Variants in CAPZA2 observed in about 807,000 individuals in gnomAD.
CAPZA2 encodes capping actin protein of muscle Z-line subunit alpha 2, also known as F-actin-capping protein subunit alpha-2.
Under a neutral mutation model 44.0 loss-of-function variants are expected in CAPZA2, and 13 were observed. The observed-to-expected ratio is 0.30, with a 90% CI of 0.19 to 0.47. The LOEUF is 0.47. CAPZA2 is among the 20% of genes least tolerant of loss of function. The pLI, the probability that CAPZA2 is intolerant of heterozygous loss-of-function variation, is 1.00. For missense variants in CAPZA2, 244 were observed against 338.6 expected (o/e 0.72, Z 2.19); for synonymous variants, 94 against 108.2 (o/e 0.87, Z 0.81).
chr7:116,864,364 ACT>A (rs937770379), intron 1 of CAPZA2, among the ~76,000 whole-genome samples: 54 of 152,128 alleles, frequency 3.5e-4, no homozygotes, highest in African/African-American at 1.3e-3. Flanking sequence ...ATTATCTGGC[ACT>A]CTCAGGGCAC....
intron 4 of CAPZA2, among the ~76,000 whole-genome samples, chr7:116,899,086 C>T (rs1311587578): frequency 8.6e-5 from 13 of 151,904 alleles, no homozygotes; most frequent in Non-Finnish European, 1.5e-5. Flanking sequence ...AATCTACTTT[C>T]TTATTTTTTT....
chr7:116,903,123 AC>A (rs1797016965), intron 4 of CAPZA2, among the ~76,000 whole-genome samples: 1 of 152,230 alleles, frequency 6.6e-6, no homozygotes, highest in African/African-American at 2.4e-5. Flanking sequence ...TGTTATAATC[AC>A]GTCATGGGAC....
chr7:116,892,344 A>G (rs1255349120), intron 2 of CAPZA2, among the ~76,000 whole-genome samples: 2 of 152,232 alleles, frequency 1.3e-5, no homozygotes, highest in African/African-American at 4.8e-5. Flanking sequence ...CAGTAAGACT[A>G]GAAAAGAATT....
intron 1 of CAPZA2, among the ~76,000 whole-genome samples, chr7:116,863,535 A>G (rs1056306847): frequency 6.6e-6 from 1 of 152,260 alleles, no homozygotes; most frequent in Admixed American, 6.5e-5. Context: ...CGAGTAATGG[A>G]ATAATTCATT....
intron 1 of CAPZA2, among the ~76,000 whole-genome samples, chr7:116,877,492 G>A (rs961438992): frequency 6.6e-6 from 1 of 152,208 alleles, no homozygotes; most frequent in Non-Finnish European, 1.5e-5. Context: ...GGATGAGAAA[G>A]AATGGATAGG....
At chr7:116,901,149 A>G (rs550221539) in intron 4 of CAPZA2, among the ~76,000 whole-genome samples, 1 of 152,154 alleles carries the variant, frequency 6.6e-6, no homozygotes, top group Non-Finnish European at 1.5e-5. Flanking sequence ...CAGCAATCCC[A>G]TTACTGGTTA....
chr7:116,890,547 T>A (rs1371390222), intron 2 of CAPZA2, among the ~76,000 whole-genome samples: 133 of 13,040 alleles, frequency 0.01, 17 homozygotes, highest in African/African-American at 0.029. Flanking sequence ...TATATATATA[T>A]ATATATATAT....
intron 1 of CAPZA2, among the ~76,000 whole-genome samples, chr7:116,883,714 ATGCAGTACAGATCATTTT>A (rs1004695356): frequency 3.3e-5 from 5 of 152,214 alleles, no homozygotes; most frequent in Admixed American, 3.3e-4. Flanking sequence ...TAGGATAAAA[ATGCAGTACAGATCATTTT>A]TGCTTTCTTG....
chr7:116,905,738 T>A (rs1791490336), intron 5 of CAPZA2, among the ~76,000 whole-genome samples: 1 of 152,230 alleles, frequency 6.6e-6, no homozygotes, highest in African/African-American at 2.4e-5. Flanking sequence ...AAATTAATTA[T>A]TATTTTTAAA....
chr7:116,888,256 TAATC>T, intron 2 of CAPZA2, 66 bp downstream of exon 2: 1 of 1,108,290 alleles, frequency 9.0e-7, no homozygotes, highest in East Asian at 2.4e-5. Flanking sequence ...AAAACCAAAA[TAATC>T]AAAATAAGCT....
intron 8 of CAPZA2, among the ~76,000 whole-genome samples, chr7:116,914,646 T>A (rs1791656064): frequency 6.6e-6 from 1 of 152,056 alleles, no homozygotes; most frequent in Non-Finnish European, 1.5e-5. Flanking sequence ...TTTGTAGAGA[T>A]GGGGTCTCAC....
intron 9 of CAPZA2, 106 bp from the exon 10 acceptor site, chr7:116,917,621 G>A: frequency 1.2e-6 from 1 of 827,200 alleles, no homozygotes; most frequent in Non-Finnish European, 2.0e-6. Context: ...TTTAAAAACA[G>A]TGAAACAGGC....
At chr7:116,903,006 C>T (rs1239732484) in intron 4 of CAPZA2, among the ~76,000 whole-genome samples, 2 of 152,194 alleles carry the variant, frequency 1.3e-5, no homozygotes, top group African/African-American at 4.8e-5. Flanking sequence ...AGCTACCACA[C>T]CCAGTCTTAT....
intron 4 of CAPZA2, among the ~76,000 whole-genome samples, chr7:116,899,282 G>A (rs1796965383): frequency 6.6e-6 from 1 of 151,790 alleles, no homozygotes; most frequent in African/African-American, 2.4e-5. Flanking sequence ...AGCCACAAAA[G>A]GTCACTAGCA....
intron 8 of CAPZA2, among the ~76,000 whole-genome samples, chr7:116,914,998 A>G (rs1791660117): frequency 1.3e-5 from 2 of 151,976 alleles, no homozygotes; most frequent in Non-Finnish European, 2.9e-5. Flanking sequence ...TGCTTCCTGG[A>G]TGGGTGCGGT....
rs966675598 is a variant in CAPZA2 at position 116,919,426 on chromosome 7, T to C, written c.*1559T>C. 1 of 152,202 alleles carries C rather than the reference T, an allele frequency of 6.6e-6. No individual in the cohort carries two copies. Among genetic ancestry groups the C allele is most frequent in the Non-Finnish European group, 1.5e-5 (1 of 68,024 alleles). 9.4% of individuals were successfully genotyped at this position (152,202 alleles called of 1,614,324 possible). A position where few individuals can be genotyped will look rare whatever the true frequency, so the allele number is the denominator to read the frequency against. ...AAATACTAGATCTAATTGACAAGCTTAGTTGTATCAGTTAGGCCATCATGA... is the reference window on the plus strand; with the variant it reads ...AAATACTAGATCTAATTGACAAGCTCAGTTGTATCAGTTAGGCCATCATGA... On this transcript the variant is annotated 3_prime_UTR_variant, in exon 10 of 10. Transcript: ENST00000361183.
chr7:116,906,480 G>T (rs1325303487), intron 6 of CAPZA2, 138 bp downstream of exon 6: 5 of 1,386,386 alleles, frequency 3.6e-6, no homozygotes, highest in Non-Finnish European at 3.8e-6. Context: ...TTAGCCTTTT[G>T]ATATAAGGAA....
chr7:116,870,335 G>A (rs560696252), intron 1 of CAPZA2, among the ~76,000 whole-genome samples: 48 of 152,280 alleles, frequency 3.2e-4, no homozygotes, highest in African/African-American at 1.1e-3. Flanking sequence ...GCACAACATA[G>A]GGAAAAATAA....
chr7:116,896,705 G>T (rs1796933493), intron 3 of CAPZA2, among the ~76,000 whole-genome samples: 1 of 152,140 alleles, frequency 6.6e-6, no homozygotes, highest in Admixed American at 6.5e-5. Flanking sequence ...TTCTGCAAGA[G>T]CAGGGAGAAC....
Sources: gnomAD v4.1 joint callset for allele counts (sites outside exome capture counted in the v4.1 genomes callset) on GRCh38, gnomAD v4.1.1 for gene constraint, MANE v1.5 for transcripts, NCBI Gene and HGNC (gene_info 2026-07-23, HGNC 2026-07-21) for gene names.